The following KLF12 variants were observed in gnomAD, a reference collection of about 807,000 sequenced individuals.
KLF12 encodes the protein Krueppel-like factor 12.
KLF12 carries 9 observed loss-of-function variants against 37.8 expected under a neutral mutation model. The observed-to-expected ratio is 0.24, with a 90% CI of 0.14 to 0.42. The LOEUF (loss-of-function observed/expected upper bound fraction) is 0.42, where lower values mean the gene tolerates loss of function less well. KLF12 is among the 10% of genes least tolerant of loss of function. The pLI is 1.00. For synonymous variants in KLF12, 208 were observed against 202.1 expected, an observed-to-expected ratio of 1.03 and a Z score of -0.25; for missense variants, 411 against 516.0, an observed-to-expected ratio of 0.80 and a Z score of 1.97.
chr13:73,965,296 A>G (rs1891143545), intron 2 of KLF12, among the ~76,000 whole-genome samples: 1 of 152,220 alleles, frequency 6.6e-6, no homozygotes, highest in African/African-American at 2.4e-5. Context: ...TTTCAGACGA[A>G]TAATACATAT....
chr13:74,271,428 C>T, the KLF12 span, among the ~76,000 whole-genome samples: 1 of 151,968 alleles, frequency 6.6e-6, no homozygotes, highest in Non-Finnish European at 1.5e-5. Flanking sequence ...AAACTTATGA[C>T]CAATAGACAG....
At chr13:73,760,016 T>C (rs1566348623) in intron 6 of KLF12, among the ~76,000 whole-genome samples, 1 of 152,162 alleles carries the variant, frequency 6.6e-6, no homozygotes, top group Non-Finnish European at 1.5e-5. Flanking sequence ...TGAATATAAA[T>C]ATTTAAGTTC....
chr13:73,825,509 T>C (rs1883788273), intron 4 of KLF12, among the ~76,000 whole-genome samples: 1 of 152,210 alleles, frequency 6.6e-6, no homozygotes, highest in African/African-American at 2.4e-5. Context: ...GGGCTTACAC[T>C]AACTTCTTTA....
At chr13:74,063,926 G>A (rs1873755433) in intron 1 of KLF12, among the ~76,000 whole-genome samples, 2 of 152,104 alleles carry the variant, frequency 1.3e-5, no homozygotes, top group South Asian at 4.2e-4. Flanking sequence ...CCAAAAGACA[G>A]CATTTAGATT....
At chr13:73,771,660 T>C (rs532826679) in intron 5 of KLF12, among the ~76,000 whole-genome samples, 145 of 152,342 alleles carry the variant, frequency 9.5e-4, no homozygotes, top group Middle Eastern at 3.4e-3. Flanking sequence ...TCTTGCATTG[T>C]AAGCAAAATA....
chr13:74,167,309 C>T, the KLF12 span, among the ~76,000 whole-genome samples: 41,910 of 151,958 alleles, frequency 0.28, 8,196 homozygotes, highest in African/African-American at 0.56. Flanking sequence ...TTTTTTGCTT[C>T]TAGAGGTCAA....
intron 6 of KLF12, among the ~76,000 whole-genome samples, chr13:73,724,775 G>A (rs774097508): frequency 5.9e-5 from 9 of 152,128 alleles, no homozygotes; most frequent in African/African-American, 9.7e-5. Flanking sequence ...ATTACTGCTC[G>A]AAGCTCACAC....
chr13:73,769,043 T>A (rs985032914), intron 5 of KLF12, among the ~76,000 whole-genome samples: 17 of 152,200 alleles, frequency 1.1e-4, no homozygotes, highest in Admixed American at 1.0e-3. Flanking sequence ...GTGGAAGTAA[T>A]GGTTTTCTTG....
At chr13:73,932,698 A>C (rs1315204460) in intron 3 of KLF12, among the ~76,000 whole-genome samples, 1 of 152,184 alleles carries the variant, frequency 6.6e-6, no homozygotes, top group Non-Finnish European at 1.5e-5. Flanking sequence ...TATTTTATAT[A>C]AAACAAACAT....
intron 3 of KLF12, among the ~76,000 whole-genome samples, chr13:73,917,130 C>T (rs1185132290): frequency 6.6e-6 from 1 of 152,170 alleles, no homozygotes; most frequent in African/African-American, 2.4e-5. Flanking sequence ...GGATTATATA[C>T]CAAGTGTCTG....
At chr13:74,153,013 C>T in the KLF12 span, among the ~76,000 whole-genome samples, 1 of 151,778 alleles carries the variant, frequency 6.6e-6, no homozygotes, top group African/African-American at 2.4e-5. Flanking sequence ...ATAATAATTT[C>T]ATACTAATTA....
chr13:73,954,513 G>A (rs760906254), intron 2 of KLF12, among the ~76,000 whole-genome samples: 1 of 152,166 alleles, frequency 6.6e-6, no homozygotes, highest in African/African-American at 2.4e-5. Flanking sequence ...ATGACGTAGT[G>A]TTTGCCTTGT....
intron 3 of KLF12, among the ~76,000 whole-genome samples, chr13:73,904,468 CCTTTT>C (rs1888181927): frequency 1.9e-5 from 1 of 51,286 alleles, no homozygotes; most frequent in Non-Finnish European, 4.3e-5. Flanking sequence ...TTCTTTCTTT[CCTTTT>C]TTTTTTTTTT....
chr13:73,799,457 T>G (rs998188099), intron 5 of KLF12, among the ~76,000 whole-genome samples: 2 of 150,158 alleles, frequency 1.3e-5, no homozygotes, highest in African/African-American at 4.9e-5. Context: ...TCAGACTAAT[T>G]TTTGTATGTA....
chr13:73,878,617 G>A (rs1382064627), intron 3 of KLF12, among the ~76,000 whole-genome samples: 1 of 152,142 alleles, frequency 6.6e-6, no homozygotes, highest in Non-Finnish European at 1.5e-5. Context: ...AGTGACATAA[G>A]ATATAATTTC....
At chr13:74,150,399 T>G in the KLF12 span, among the ~76,000 whole-genome samples, 1 of 152,206 alleles carries the variant, frequency 6.6e-6, no homozygotes, top group Non-Finnish European at 1.5e-5. Context: ...TGCCATCAAC[T>G]GGAACACATT....
chr13:74,194,322 T>C, the KLF12 span, among the ~76,000 whole-genome samples: 1 of 152,182 alleles, frequency 6.6e-6, no homozygotes, highest in Non-Finnish European at 1.5e-5. Context: ...ATGGACACTG[T>C]CTTAGTCTGT....
At position 73,688,815 on chromosome 13, in the gene KLF12, A is replaced by T. The variant is rs1475994173; in HGVS notation, c.*6675T>A. 6.6e-6 allele frequency: 1 copy of T among 152,128 alleles called. No individual in the cohort carries two copies. The highest frequency in any genetic ancestry group is 1.5e-5 in the Non-Finnish European group (1 of 68,038). The allele number at this position is 152,128 out of a possible 1,614,324, so 9.4% of individuals were successfully genotyped here. A position where few individuals can be genotyped will look rare whatever the true frequency, so the allele number is the denominator to read the frequency against. On this transcript the variant is annotated 3_prime_UTR_variant, in exon 8 of 8. Transcript: ENST00000377669. ...CATAATAAAATTACTGAGAGTCAGG[A>T]ATCTGGGAAGGTGGTTTCGGGACAC...
intron 1 of KLF12, among the ~76,000 whole-genome samples, chr13:74,132,089 T>C (rs1021803164): frequency 1.4e-4 from 22 of 152,292 alleles, no homozygotes; most frequent in African/African-American, 5.3e-4. Context: ...AACATGTGAA[T>C]GAGGTCTGAG....
Sources: gnomAD v4.1 joint callset for allele counts (sites outside exome capture counted in the v4.1 genomes callset) on GRCh38, gnomAD v4.1.1 for gene constraint, MANE v1.5 for transcripts, NCBI Gene and HGNC (gene_info 2026-07-23, HGNC 2026-07-21) for gene names.